The following FAM222B variants were observed in gnomAD, a reference collection of about 807,000 sequenced individuals.
FAM222B encodes the protein family with sequence similarity 222 member B, also known as protein FAM222B.
FAM222B carries 12 observed loss-of-function variants against 38.0 expected under a neutral mutation model. The ratio of observed to expected loss-of-function variants is 0.32; its 90% confidence interval spans 0.20 to 0.51. FAM222B has a LOEUF of 0.51. FAM222B is among the 20% of genes least tolerant of loss of function. FAM222B has a pLI of 0.97. For synonymous variants in FAM222B, 329 were observed against 317.2 expected (o/e 1.04, Z -0.40); for missense variants, 716 against 754.2 (o/e 0.95, Z 0.59).
intron 1 of FAM222B, among the ~76,000 whole-genome samples, chr17:28,794,974 TC>T (rs2036869377): frequency 6.6e-6 from 1 of 151,598 alleles, no homozygotes; most frequent in South Asian, 2.1e-4. Flanking sequence ...GCGCCTGTAA[TC>T]CCAGGTACTT....
chr17:28,758,899 T>C lies in FAM222B; in HGVS notation c.1060A>G (p.Thr354Ala). 1 of 1,609,174 alleles carries C rather than the reference T, an allele frequency of 6.2e-7. No individual in the cohort carries two copies. The highest frequency in any genetic ancestry group is 1.3e-5 in the African/African-American group (1 of 74,978). ...NLPTGISRVP[T>A]GYPSDLKPVT... ...GGCTTGAGGTCGCTAGGGTAGCCAG[T>C]GGGGACGCGAGAGATGCCTGTGGGC... The change falls in exon 3 of 3, where the codon ACT becomes GCT. Residue 354 changes from threonine (T) to alanine (A), a missense_variant. Coordinates refer to ENST00000581407, the MANE Select transcript of FAM222B (RefSeq NM_001077498.3).
chr17:28,810,159 G>A (rs1210996952), intron 1 of FAM222B, among the ~76,000 whole-genome samples: 1 of 152,022 alleles, frequency 6.6e-6, no homozygotes, highest in African/African-American at 2.4e-5. Flanking sequence ...ACCACGCCCA[G>A]CTAATTTTTT....
chr17:28,759,625 T>G lies in FAM222B; in HGVS notation c.334A>C (p.Ile112Leu). The G allele has an allele frequency of 6.2e-7, 1 of 1,613,030 alleles. No individual in the cohort carries two copies. The highest frequency in any genetic ancestry group is 8.5e-7 in the Non-Finnish European group (1 of 1,179,520). ...CGGGTGCCGTCAAAGTCCTTGAGTA[T>G]GCTTTTGGCTGGCACTTTGACAATG... Reference protein sequence around the residue: ...LAIVKVPAKSILKDFDGTRAR... With the variant: ...LAIVKVPAKSLLKDFDGTRAR... The change falls in exon 3 of 3, where the codon ATA (isoleucine) becomes CTA (leucine). Residue 112 changes from isoleucine (I) to leucine (L), a missense_variant. By Grantham distance (5) the Ile-to-Leu change is conservative. Transcript: ENST00000581407. The surrounding 1 kb of genome is among the most constrained non-coding windows in gnomAD (Gnocchi z 4.8).
At position 28,803,645 on chromosome 17, in the gene FAM222B, G is replaced by A. The variant is rs117290881; in HGVS notation, c.-40-36938C>T. On this transcript the variant is annotated intron_variant, in intron 1 of 2. Coordinates refer to ENST00000581407, the MANE Select transcript of FAM222B (RefSeq NM_001077498.3). ...TACCAACAGCTCACCCACATATGAT[G>A]AATTATTTACATATACTATGGGGTC... Among the ~76,000 whole-genome samples, 1,152 of 151,994 alleles carry A rather than the reference G, an allele frequency of 7.6e-3. 8 individuals carry two copies. Among genetic ancestry groups the A allele is most frequent in the Middle Eastern group, 0.02 (6 of 294 alleles).
chr17:28,758,367 A>G lies in FAM222B; in HGVS notation c.1592T>C (p.Leu531Pro). 1 of 1,613,880 alleles carries G rather than the reference A, an allele frequency of 6.2e-7. No homozygotes were observed. The highest frequency in any genetic ancestry group is 1.1e-5 in the South Asian group (1 of 91,076). Residue 531 changes from leucine (L) to proline (P), a missense_variant, in exon 3 of 3, where the codon CTG becomes CCG. By Grantham distance (98) the Leu-to-Pro change is moderately conservative (BLOSUM62 -3). Coordinates refer to ENST00000581407, the MANE Select transcript of FAM222B (RefSeq NM_001077498.3). ...TCGGTGGGCCTTGCTCAGCATGGCC[A>G]GGCTCTGTTCTCGGAAGCAGGCCTG... ...FQQACFREQSLAMLSKAHRAP... is the reference protein window; with the variant it reads ...FQQACFREQSPAMLSKAHRAP...
upstream of FAM222B, among the ~76,000 whole-genome samples, chr17:28,844,068 C>T (rs2039120794): frequency 6.6e-6 from 1 of 152,160 alleles, no homozygotes; most frequent in Non-Finnish European, 1.5e-5. Flanking sequence ...AAGAAAACCA[C>T]TAAAGTCCAG....
chr17:28,776,956 C>T (rs948248710), intron 1 of FAM222B: 2 of 152,176 alleles, frequency 1.3e-5, no homozygotes, highest in African/African-American at 2.4e-5. Flanking sequence ...TCTTTATGGT[C>T]TGTTACAATG....
intron 2 of FAM222B, among the ~76,000 whole-genome samples, chr17:28,762,937 C>CA (rs1158122413): frequency 0.02 from 2,051 of 100,378 alleles, 19 homozygotes; most frequent in Admixed American, 0.045. Flanking sequence ...GACTCCGTCT[C>CA]AAAAAAAAAA....
At chr17:28,847,479 A>G (rs1302897029), upstream of FAM222B, among the ~76,000 whole-genome samples, 1 of 151,934 alleles carries the variant, frequency 6.6e-6, no homozygotes. Flanking sequence ...CTGTAATCCC[A>G]CCTACTCCGG....
At chr17:28,821,739 A>C (rs761607635) in intron 1 of FAM222B, among the ~76,000 whole-genome samples, 3 of 152,158 alleles carry the variant, frequency 2.0e-5, no homozygotes, top group Non-Finnish European at 2.9e-5. Flanking sequence ...AGGCAGGTGG[A>C]TCACATGAGG....
chr17:28,823,299 T>C (rs2038328287), intron 1 of FAM222B, among the ~76,000 whole-genome samples: 1 of 152,050 alleles, frequency 6.6e-6, no homozygotes, highest in African/African-American at 2.4e-5. Context: ...TGTCAAATCC[T>C]GTGAGTACTT....
At chr17:28,773,188 G>T (rs1243966690) in intron 1 of FAM222B, among the ~76,000 whole-genome samples, 2 of 151,858 alleles carry the variant, frequency 1.3e-5, no homozygotes, top group Non-Finnish European at 2.9e-5. Context: ...AGAATTCTGG[G>T]ATCCAGGGCA....
At chr17:28,835,305 G>T (rs1316896886) in intron 1 of FAM222B, among the ~76,000 whole-genome samples, 1 of 151,936 alleles carries the variant, frequency 6.6e-6, no homozygotes, top group Non-Finnish European at 1.5e-5. Flanking sequence ...AAAGTGCTGG[G>T]ATTACAGGTG....
At chr17:28,795,166 T>G (rs2036880975) in intron 1 of FAM222B, among the ~76,000 whole-genome samples, 1 of 152,098 alleles carries the variant, frequency 6.6e-6, no homozygotes, top group Non-Finnish European at 1.5e-5. Flanking sequence ...GATTTCCTTT[T>G]CTTTTTGAGA....
At chr17:28,819,847 A>G (rs1276251844) in intron 1 of FAM222B, among the ~76,000 whole-genome samples, 5 of 152,228 alleles carry the variant, frequency 3.3e-5, no homozygotes, top group African/African-American at 1.2e-4. Context: ...CTGTGAAAGC[A>G]TGTCATTCAA....
intron 1 of FAM222B, among the ~76,000 whole-genome samples, chr17:28,807,259 G>T (rs374639618): frequency 6.6e-6 from 1 of 152,014 alleles, no homozygotes; most frequent in Non-Finnish European, 1.5e-5. Flanking sequence ...CAGGTGATCC[G>T]CCTGCCTCAG....
intron 1 of FAM222B, among the ~76,000 whole-genome samples, chr17:28,825,310 C>G (rs2038397806): frequency 6.6e-6 from 1 of 151,692 alleles, no homozygotes; most frequent in Admixed American, 6.6e-5. Flanking sequence ...GAGGCGTGCA[C>G]CTATGGTCCC....
intron 1 of FAM222B, among the ~76,000 whole-genome samples, chr17:28,850,755 G>T (rs909387839): frequency 4.6e-5 from 7 of 152,034 alleles, no homozygotes; most frequent in Non-Finnish European, 1.0e-4. Context: ...CATCATTGTG[G>T]TTCTAGAAAC....
intron 1 of FAM222B, among the ~76,000 whole-genome samples, chr17:28,838,688 C>T (rs1231189947): frequency 6.6e-6 from 1 of 152,058 alleles, no homozygotes; most frequent in Non-Finnish European, 1.5e-5. Context: ...AGGCGGATCA[C>T]CTGAGGTCGG....
Sources: allele counts gnomAD v4.1 joint callset (sites outside exome capture counted in the v4.1 genomes callset), GRCh38; gene constraint gnomAD v4.1.1; non-coding constraint Gnocchi (gnomAD v3.1); transcripts MANE v1.5; gene names NCBI Gene and HGNC (gene_info 2026-07-23, HGNC 2026-07-21).